Variants in TLN2 observed in about 807,000 individuals in gnomAD.
TLN2 encodes talin 2.
A neutral mutation model predicts 294.7 loss-of-function variants in TLN2; 118 were observed. The ratio of observed to expected loss-of-function variants is 0.40; its 90% CI spans 0.34 to 0.47. The LOEUF (loss-of-function observed/expected upper bound fraction) is 0.47, where lower values mean the gene tolerates loss of function less well. Among genes scored for constraint, TLN2 ranks in the 20% least tolerant of loss-of-function variants. The pLI, the probability that TLN2 is intolerant of heterozygous loss-of-function variation, is 0.84. For synonymous variants in TLN2, 1,431 were observed against 1,304.5 expected (o/e 1.10, Z -2.09); for missense variants, 3,083 against 3,282.2 (o/e 0.94, Z 1.48).
At chr15:62,703,088 G>T (rs949167768) in intron 19 of TLN2, among the ~76,000 whole-genome samples, 1 of 151,420 alleles carries the variant, frequency 6.6e-6, no homozygotes, top group African/African-American at 2.4e-5. Context: ...TGTAAAGCAC[G>T]TATTTAGCTT....
At chr15:62,761,941 C>A in intron 38 of TLN2, 120 bp downstream of exon 38, 1 of 1,334,356 alleles carries the variant, frequency 7.5e-7, no homozygotes, top group Non-Finnish European at 1.1e-6. Context: ...TACTGTTACT[C>A]TTGTCAATGA....
At position 62,761,460 on chromosome 15, in the gene TLN2, G is replaced by C. The variant is rs371632978; in HGVS notation, c.4639-221G>C. Among the ~76,000 whole-genome samples, 6 of 152,232 alleles carry C rather than the reference G, an allele frequency of 3.9e-5. No individual in the cohort carries two copies. The South Asian group carries it at 8.3e-4, about 21-fold the overall frequency. Reference sequence around the variant, plus strand: ...TGGAAAGTTGACTGTGGAGTCAGTTGTCCTGTGAGCTACACATTTAATTCT... The same window carrying C: ...TGGAAAGTTGACTGTGGAGTCAGTTCTCCTGTGAGCTACACATTTAATTCT... On this transcript the variant is annotated intron_variant, in intron 37 of 58. Transcript: ENST00000636159.
chr15:62,724,844 C>G (rs1047763712), intron 26 of TLN2, 132 bp from the exon 27 acceptor site: 11 of 1,185,352 alleles, frequency 9.3e-6, no homozygotes, highest in East Asian at 2.6e-5. Context: ...AAAATACTTG[C>G]TTTCCTTGCT....
At chr15:62,593,962 G>A (rs542163224) in intron 2 of TLN2, among the ~76,000 whole-genome samples, 5 of 152,084 alleles carry the variant, frequency 3.3e-5, no homozygotes, top group Admixed American at 2.6e-4. Flanking sequence ...TCAAAATATT[G>A]CATGCAAATG....
At chr15:62,748,681 T>A (rs780612503) in intron 33 of TLN2, among the ~76,000 whole-genome samples, 21 of 152,214 alleles carry the variant, frequency 1.4e-4, no homozygotes, top group African/African-American at 2.4e-4. Context: ...TTCTCCTGTT[T>A]CCAGTAGGAT....
chr15:62,754,133 G>T, intron 36 of TLN2: 1 of 535,580 alleles, frequency 1.9e-6, no homozygotes, highest in Non-Finnish European at 3.0e-6. Context: ...GGTGCCAGAA[G>T]GCAAAAGGAG....
chr15:62,614,783 C>T (rs913466381), intron 2 of TLN2, among the ~76,000 whole-genome samples: 2 of 152,118 alleles, frequency 1.3e-5, no homozygotes, highest in African/African-American at 2.4e-5. Context: ...ATGACTTCTC[C>T]ACCATCTTTC....
rs767816689 is a variant in TLN2, at chr15:62,752,349, C to T, written c.4254C>T (p.Thr1418=). The change falls in exon 35 of 59, where the codon ACC becomes ACT. Residue 1418 remains threonine (T), a synonymous_variant. Coordinates refer to ENST00000636159, the MANE Select transcript of TLN2 (RefSeq NM_015059.3). ...SMAGISQNAK[T]GDLPAFGECV... is the part of the protein sequence containing the mutation. ...CAGGGATTTCACAGAATGCCAAGAC[C>T]GGAGACCTCCCTGCCTTTGGGGAAT... 32 of 1,613,918 alleles carry T rather than the reference C, an allele frequency of 2.0e-5. No individual in the cohort carries two copies. Among genetic ancestry groups the T allele is most frequent in the African/African-American group, 6.7e-5 (5 of 74,872 alleles).
chr15:62,782,588 G>T lies in TLN2; in HGVS notation c.5617-1183G>T, dbSNP rs543793915. 9.2e-5 allele frequency among the ~76,000 whole-genome samples: 14 copies of T among 152,328 alleles called. No individual in the cohort carries two copies. In the East Asian group the frequency reaches 2.5e-3, roughly 27 times the overall value. On this transcript the variant is annotated intron_variant, in intron 44 of 58. Coordinates refer to ENST00000636159, the MANE Select transcript of TLN2 (RefSeq NM_015059.3). Reference sequence around the variant, plus strand: ...TGAGATAACTGGCCTGGCTCTTTGTGTGAAAGAGGCCCTTCTCACCCCGTC... The same window carrying T: ...TGAGATAACTGGCCTGGCTCTTTGTTTGAAAGAGGCCCTTCTCACCCCGTC...
chr15:62,699,730 T>C lies in TLN2; in HGVS notation c.1587+863T>C, dbSNP rs541471193. 4.9e-4 allele frequency among the ~76,000 whole-genome samples: 75 copies of C among 152,338 alleles called. 1 individual carries two copies. The East Asian group carries it at 6.9e-3, about 14-fold the overall frequency. ...AGCTTCTTTGGGTGACCATTAAAGT[T>C]TGAGAAGCACCGGCTAGCGCTGTCA... On this transcript the variant is annotated intron_variant, in intron 16 of 58. Transcript: ENST00000636159.
chr15:62,736,188 TG>T (rs1595833258), intron 28 of TLN2, among the ~76,000 whole-genome samples: 1 of 151,820 alleles, frequency 6.6e-6, no homozygotes, highest in Non-Finnish European at 1.5e-5. Context: ...GGCGTGGTGA[TG>T]GGCATCTGTA....
In TLN2 at chr15:62,650,195, C is replaced by T; in HGVS notation, c.234+14C>T. 1 of 1,613,522 alleles carries T rather than the reference C, an allele frequency of 6.2e-7. No individual in the cohort carries two copies. The highest frequency in any genetic ancestry group is 8.5e-7 in the Non-Finnish European group (1 of 1,179,466). ...TTGCGGAATGGGGTATGCTGCCAATCCCAGTGCTGTTTCTTCATCCCTTTG... is the reference window on the plus strand; with the variant it reads ...TTGCGGAATGGGGTATGCTGCCAATTCCAGTGCTGTTTCTTCATCCCTTTG... On this transcript the variant is annotated intron_variant, in intron 5 of 58. Coordinates refer to ENST00000636159, the MANE Select transcript of TLN2 (RefSeq NM_015059.3).
chr15:62,426,510 A>G (rs1446760350), intron 1 of TLN2, among the ~76,000 whole-genome samples: 1 of 152,200 alleles, frequency 6.6e-6, no homozygotes, highest in Non-Finnish European at 1.5e-5. Flanking sequence ...GGTAATGTGG[A>G]CAAGAGCCTT....
chr15:62,677,881 C>T (rs28423051), intron 11 of TLN2, among the ~76,000 whole-genome samples: 4,729 of 132,666 alleles, frequency 0.036, 265 homozygotes, highest in African/African-American at 0.11. Flanking sequence ...CCACAACCTC[C>T]GCCTCCTGTG....
At chr15:62,485,765 GTGTC>G (rs1402852570) in intron 1 of TLN2, among the ~76,000 whole-genome samples, 3 of 152,128 alleles carry the variant, frequency 2.0e-5, no homozygotes, top group Admixed American at 2.0e-4. Context: ...CTCAATCTGT[GTGTC>G]TGTCTGTAAT....
chr15:62,682,639 GC>G (rs1050125878), intron 11 of TLN2, among the ~76,000 whole-genome samples: 29 of 152,250 alleles, frequency 1.9e-4, no homozygotes, highest in African/African-American at 7.0e-4. Flanking sequence ...AAAAGGGACT[GC>G]CTCATATAAA....
chr15:62,648,997 G>A lies in TLN2; in HGVS notation c.137-1087G>A, dbSNP rs1003325357. 3.9e-5 allele frequency among the ~76,000 whole-genome samples: 6 copies of A among 151,918 alleles called. No homozygotes were observed. The East Asian group carries it at 9.7e-4, about 24-fold the overall frequency. On this transcript the variant is annotated intron_variant, in intron 4 of 58. Transcript: ENST00000636159. ...AATAGATGGGACTACAGGTGCACACGCCACCACACCCGGCTAATTTTTGTA... is the reference window on the plus strand; with the variant it reads ...AATAGATGGGACTACAGGTGCACACACCACCACACCCGGCTAATTTTTGTA...
intron 28 of TLN2, among the ~76,000 whole-genome samples, chr15:62,728,697 G>A (rs1168678346): frequency 6.6e-6 from 1 of 152,114 alleles, no homozygotes; most frequent in African/African-American, 2.4e-5. Flanking sequence ...GCCATTTTGT[G>A]AAGTGTGTTT....
chr15:62,466,675 A>G (rs1291981997), intron 1 of TLN2, among the ~76,000 whole-genome samples: 1 of 152,206 alleles, frequency 6.6e-6, no homozygotes, highest in Non-Finnish European at 1.5e-5. Flanking sequence ...GATATTTAGT[A>G]TTTACTGTAG....
Sources: gnomAD v4.1 joint callset for allele counts (sites outside exome capture counted in the v4.1 genomes callset) on GRCh38, gnomAD v4.1.1 for gene constraint, MANE v1.5 for transcripts, NCBI Gene and HGNC (gene_info 2026-07-23, HGNC 2026-07-21) for gene names.